CACNA1A: variants seen among roughly 807,000 people sequenced by gnomAD.
The protein encoded by CACNA1A is voltage-dependent P/Q-type calcium channel subunit alpha-1A.
CACNA1A carries 57 observed loss-of-function variants against 262.4 expected under a neutral mutation model. That is an observed-to-expected ratio of 0.22 (90% CI 0.18 to 0.27). The LOEUF (loss-of-function observed/expected upper bound fraction) is 0.27. Among genes scored for constraint, CACNA1A ranks in the 10% least tolerant of loss-of-function variants. The probability of loss-of-function intolerance (pLI) is 1.00; values close to 1 mark genes in which losing one functional copy is unlikely to be tolerated. For synonymous variants in CACNA1A, 1,431 were observed against 1,419.3 expected (o/e 1.01, Z -0.18); for missense variants, 2,526 against 3,562.8 (o/e 0.71, Z 7.41).
intron 19 of CACNA1A, among the ~76,000 whole-genome samples, chr19:13,295,342 T>C (rs2057641490): frequency 6.6e-6 from 1 of 152,208 alleles, no homozygotes; most frequent in Non-Finnish European, 1.5e-5. Flanking sequence ...TTATACTAAA[T>C]ACCCTACCAT....
chr19:13,401,250 T>C (rs1568609174), intron 3 of CACNA1A, among the ~76,000 whole-genome samples: 1 of 152,242 alleles, frequency 6.6e-6, no homozygotes, highest in Non-Finnish European at 1.5e-5. Context: ...CGTGGGGCTC[T>C]GCAGCCAGAT....
At chr19:13,299,675 C>T (rs561201836) in intron 18 of CACNA1A, among the ~76,000 whole-genome samples, 4 of 152,324 alleles carry the variant, frequency 2.6e-5, no homozygotes, top group African/African-American at 9.6e-5. Flanking sequence ...GCCTCCTTCA[C>T]ATCAGGCATG....
At chr19:13,288,613 C>G (rs2057461743) in intron 19 of CACNA1A, among the ~76,000 whole-genome samples, 1 of 152,070 alleles carries the variant, frequency 6.6e-6, no homozygotes, top group African/African-American at 2.4e-5. Flanking sequence ...GATCCCACAG[C>G]CTCAAACCTC....
At chr19:13,368,204 A>G (rs1442428157) in intron 4 of CACNA1A, among the ~76,000 whole-genome samples, 1 of 151,974 alleles carries the variant, frequency 6.6e-6, no homozygotes, top group Non-Finnish European at 1.5e-5. Flanking sequence ...AGTCCCAGCT[A>G]TTTGGGAGGC....
intron 1 of CACNA1A, among the ~76,000 whole-genome samples, chr19:13,487,732 C>G (rs992380010): frequency 7.2e-5 from 11 of 151,740 alleles, no homozygotes; most frequent in African/African-American, 2.7e-4. Context: ...GGCTGCTGAC[C>G]TCATTTTTTA....
intron 26 of CACNA1A, chr19:13,260,537 A>G (rs986728334): frequency 1.3e-5 from 2 of 150,778 alleles, no homozygotes; most frequent in African/African-American, 4.9e-5. Flanking sequence ...TTTAGTAGAG[A>G]CAGGGTTTCA....
At chr19:13,352,945 G>A (rs1178629142) in intron 6 of CACNA1A, among the ~76,000 whole-genome samples, 13 of 151,838 alleles carry the variant, frequency 8.6e-5, no homozygotes, top group Admixed American at 1.3e-4. Context: ...GCTAATTTTT[G>A]TATTTTTAGT....
At chr19:13,488,690 G>T (rs879312632) in intron 1 of CACNA1A, among the ~76,000 whole-genome samples, 1 of 151,890 alleles carries the variant, frequency 6.6e-6, no homozygotes, top group Non-Finnish European at 1.5e-5. Context: ...GTGAGCCACC[G>T]TGCCCAGCCT....
intron 3 of CACNA1A, among the ~76,000 whole-genome samples, chr19:13,443,966 T>A (rs970411799): frequency 1.3e-5 from 2 of 152,200 alleles, no homozygotes; most frequent in African/African-American, 4.8e-5. Context: ...CCCTGGCACA[T>A]AGTAAGTACT....
chr19:13,392,666 C>T (rs2059729984), intron 3 of CACNA1A, among the ~76,000 whole-genome samples: 1 of 151,586 alleles, frequency 6.6e-6, no homozygotes, highest in Non-Finnish European at 1.5e-5. Context: ...GTTTCTTTTC[C>T]TTCCTTCCTT....
chr19:13,479,771 C>T (rs927875770), intron 1 of CACNA1A, among the ~76,000 whole-genome samples: 1 of 152,100 alleles, frequency 6.6e-6, no homozygotes, highest in Non-Finnish European at 1.5e-5. Flanking sequence ...GACAGACCAA[C>T]AGAGAGAAAG....
At chr19:13,245,152 C>G in intron 31 of CACNA1A, 30 bp downstream of exon 31, 1 of 1,579,804 alleles carries the variant, frequency 6.3e-7, no homozygotes, top group Non-Finnish European at 8.7e-7. Flanking sequence ...AGCCCAGAGT[C>G]ACCCAGAGAG....
intron 44 of CACNA1A, among the ~76,000 whole-genome samples, chr19:13,210,077 G>T (rs1020467423): frequency 6.6e-6 from 1 of 151,856 alleles, no homozygotes; most frequent in African/African-American, 2.4e-5. Context: ...GGAGCTCTGG[G>T]TGGGGGTGGG....
chr19:13,318,579 G>A (rs150933571), intron 10 of CACNA1A, among the ~76,000 whole-genome samples: 83 of 152,276 alleles, frequency 5.5e-4, no homozygotes, highest in African/African-American at 2.0e-3. Context: ...GGAGCTGGGA[G>A]ACCAGGCTGG....
At chr19:13,480,732 T>C (rs989404521) in intron 1 of CACNA1A, among the ~76,000 whole-genome samples, 5 of 152,222 alleles carry the variant, frequency 3.3e-5, no homozygotes, top group African/African-American at 7.2e-5. Flanking sequence ...CAGGAGGTCA[T>C]TGCCCCAACC....
At chr19:13,233,037 G>A (rs1345795864) in intron 34 of CACNA1A, among the ~76,000 whole-genome samples, 1 of 149,748 alleles carries the variant, frequency 6.7e-6, no homozygotes, top group African/African-American at 2.5e-5. Context: ...CAACAAGACC[G>A]AAACTCTGTC....
rs747111223 is a variant in CACNA1A, at chr19:13,299,341, C to G, written c.2292G>C (p.Gln764His). 8 of 1,599,782 alleles carry G rather than the reference C, an allele frequency of 5.0e-6. No individual in the cohort carries two copies. The highest frequency in any genetic ancestry group is 6.8e-6 in the Non-Finnish European group (8 of 1,179,736). ...ANMSIAVKEQ[Q>H]KNQKPAKSVW... ...CGGACTTGGCTGGCTTTTGATTCTT[C>G]TGTTGCTCTTTCCTGCAGTGGCATG... The change falls in exon 19 of 47, where the codon CAG becomes CAC. Residue 764 changes from glutamine (Q) to histidine (H), a missense_variant. This residue lies in a region of CACNA1A where 765 missense variants were observed against 748.6 expected (regional missense o/e 1.02). Transcript: ENST00000360228.
chr19:13,402,767 T>TAC (rs2059920002), intron 3 of CACNA1A, among the ~76,000 whole-genome samples: 2 of 130,634 alleles, frequency 1.5e-5, no homozygotes, highest in Non-Finnish European at 3.1e-5. Context: ...CACATATATA[T>TAC]ACATATATAT....
At chr19:13,457,643 G>A (rs1297102762) in intron 1 of CACNA1A, among the ~76,000 whole-genome samples, 27 of 152,154 alleles carry the variant, frequency 1.8e-4, no homozygotes, top group Non-Finnish European at 2.9e-5. Context: ...CTGAGGTTGG[G>A]AGTTCAAGAC....
Sources: allele counts gnomAD v4.1 joint callset (sites outside exome capture counted in the v4.1 genomes callset), GRCh38; gene constraint gnomAD v4.1.1; regional missense constraint gnomAD v4.1.1; transcripts MANE v1.5; gene names NCBI Gene and HGNC (gene_info 2026-07-23, HGNC 2026-07-21).